The following DGKH variants were observed in gnomAD, a reference collection of about 807,000 sequenced individuals.
The protein encoded by DGKH is DAG kinase eta.
In DGKH, 90 loss-of-function variants were observed where a neutral mutation model predicts 159.3. The ratio of observed to expected loss-of-function variants is 0.57; its 90% CI spans 0.48 to 0.67. The LOEUF (loss-of-function observed/expected upper bound fraction) is 0.67. DGKH is among the 30% of genes least tolerant of loss of function. DGKH has a pLI of 0.00. For synonymous variants in DGKH, 536 were observed against 553.8 expected, an observed-to-expected ratio of 0.97 and a Z score of 0.45; for missense variants, 1,181 against 1,506.1, an observed-to-expected ratio of 0.78 and a Z score of 3.57.
intron 1 of DGKH, among the ~76,000 whole-genome samples, chr13:42,049,535 C>T (rs1218134583): frequency 6.6e-6 from 1 of 152,252 alleles, no homozygotes; most frequent in Non-Finnish European, 1.5e-5. Flanking sequence ...TGCCCCTCTG[C>T]CTCCTGCTGC....
exon 31 of DGKH, chr13:42,256,563 G>A (rs796285097): frequency 2.9e-5 from 20 of 692,016 alleles, no homozygotes; most frequent in South Asian, 1.3e-4. Context: ...GAAAATAAAC[G>A]TGTATATAAT....
chr13:42,155,497 C>T, intron 4 of DGKH, 102 bp downstream of exon 4: 1 of 1,475,630 alleles, frequency 6.8e-7, no homozygotes, highest in Non-Finnish European at 9.4e-7. Context: ...TACACTCATT[C>T]AGCAACTTGT....
chr13:42,155,923 TGCTCAGG>T, intron 5 of DGKH, 124 bp downstream of exon 5: 1 of 1,135,052 alleles, frequency 8.8e-7, no homozygotes, highest in Non-Finnish European at 1.2e-6. Context: ...AAAATATTTT[TGCTCAGG>T]AAAAAAAAAC....
chr13:42,051,416 G>T (rs186379263), intron 1 of DGKH, among the ~76,000 whole-genome samples: 1 of 152,068 alleles, frequency 6.6e-6, no homozygotes. Context: ...CATTATTTAC[G>T]TCTTTTATCA....
At chr13:42,053,568 C>CTATATATATGTATATATA (rs370501850) in intron 1 of DGKH, among the ~76,000 whole-genome samples, 3 of 50,628 alleles carry the variant, frequency 5.9e-5, no homozygotes, top group Non-Finnish European at 1.2e-4. Context: ...ATATATATAA[C>CTATATATATGTATATATA]TATATATGTA....
At chr13:42,224,192 A>C (rs1366860228) in intron 29 of DGKH, among the ~76,000 whole-genome samples, 2 of 152,192 alleles carry the variant, frequency 1.3e-5, no homozygotes, top group Non-Finnish European at 2.9e-5. Flanking sequence ...TTCAATCTTA[A>C]CATGTCCAAA....
intron 1 of DGKH, among the ~76,000 whole-genome samples, chr13:42,053,604 A>G (rs1881526401): frequency 1.0e-5 from 1 of 97,496 alleles, no homozygotes; most frequent in South Asian, 2.5e-4. Flanking sequence ...ATATGTATAT[A>G]TATAACTATA....
At chr13:42,110,643 A>C (rs1954846834) in intron 1 of DGKH, among the ~76,000 whole-genome samples, 1 of 133,506 alleles carries the variant, frequency 7.5e-6, no homozygotes, top group African/African-American at 2.8e-5. Flanking sequence ...AGTTACACAT[A>C]CGACATTCAG....
intron 20 of DGKH, among the ~76,000 whole-genome samples, chr13:42,202,347 C>T (rs1446730572): frequency 1.3e-5 from 2 of 152,042 alleles, no homozygotes; most frequent in South Asian, 2.1e-4. Flanking sequence ...AAGAGAGACC[C>T]ACACCTTGGG....
At chr13:42,153,937 T>G (rs768212614) in intron 3 of DGKH, 2 of 152,250 alleles carry the variant, frequency 1.3e-5, no homozygotes, top group Non-Finnish European at 2.9e-5. Flanking sequence ...TTAGATGTAT[T>G]CAAAGCTTCT....
downstream of DGKH, among the ~76,000 whole-genome samples, chr13:42,247,523 G>A (rs997439519): frequency 1.3e-5 from 1 of 78,654 alleles, no homozygotes; most frequent in Non-Finnish European, 2.7e-5. Flanking sequence ...GAGCCACTGT[G>A]CCCAGATCTA....
At chr13:42,207,015 CTT>C (rs1957498178) in intron 21 of DGKH, among the ~76,000 whole-genome samples, 2 of 143,586 alleles carry the variant, frequency 1.4e-5, no homozygotes, top group Non-Finnish European at 3.0e-5. Context: ...TTCTTTCTTT[CTT>C]TCTTTCTTTT....
intron 1 of DGKH, among the ~76,000 whole-genome samples, chr13:42,078,963 T>C (rs1190676128): frequency 2.9e-5 from 4 of 140,114 alleles, no homozygotes; most frequent in African/African-American, 1.1e-4. Flanking sequence ...TTGCCCAGAG[T>C]GCAGTGGCAT....
At chr13:42,080,335 T>C (rs1051101720) in intron 1 of DGKH, among the ~76,000 whole-genome samples, 1 of 152,188 alleles carries the variant, frequency 6.6e-6, no homozygotes, top group African/African-American at 2.4e-5. Context: ...TTTCGTACCA[T>C]ATAGGTGGAT....
At chr13:42,055,966 A>G (rs1435124364) in intron 1 of DGKH, among the ~76,000 whole-genome samples, 4 of 152,202 alleles carry the variant, frequency 2.6e-5, no homozygotes, top group Non-Finnish European at 4.4e-5. Flanking sequence ...CTTTAGCAAA[A>G]CAAGGAGACC....
chr13:42,058,221 A>G (rs547165720), intron 1 of DGKH, among the ~76,000 whole-genome samples: 3 of 152,348 alleles, frequency 2.0e-5, no homozygotes, highest in African/African-American at 4.8e-5. Flanking sequence ...TGATAGATTC[A>G]TGGAAACTGA....
chr13:42,199,767 A>C, intron 19 of DGKH, 46 bp from the exon 20 acceptor site: 1 of 1,578,776 alleles, frequency 6.3e-7, no homozygotes, highest in Non-Finnish European at 8.6e-7. Flanking sequence ...TTTAAGGAGT[A>C]AATAAATAAA....
At chr13:42,073,334 T>C (rs1039780031) in intron 1 of DGKH, among the ~76,000 whole-genome samples, 1 of 152,240 alleles carries the variant, frequency 6.6e-6, no homozygotes, top group Non-Finnish European at 1.5e-5. Context: ...TCCTTTCTTA[T>C]AGTGGGGGAG....
chr13:42,189,114 G>A lies in DGKH; in HGVS notation c.1717G>A (p.Gly573Ser). The A allele has an allele frequency of 2.5e-6, 4 of 1,614,222 alleles. No homozygotes were observed. In the South Asian group the frequency reaches 4.4e-5, roughly 18 times the overall value. The change falls in exon 15 of 30, where the codon GGC becomes AGC. Residue 573 changes from glycine to serine, a missense_variant. Gly to Ser is a moderately conservative substitution (Grantham distance 56, BLOSUM62 0). Transcript: ENST00000337343. ...TDSQAAPVLP[G>S]LSPLIVEEDA... ...TTCCCAGGCTGCGCCTGTTCTCCCT[G>A]GCCTCAGCCCTCTCATTGTGGAAGA...
Sources: allele counts gnomAD v4.1 joint callset (sites outside exome capture counted in the v4.1 genomes callset), GRCh38; gene constraint gnomAD v4.1.1; transcripts MANE v1.5; gene names NCBI Gene and HGNC (gene_info 2026-07-23, HGNC 2026-07-21).